CLHC1: variants seen among roughly 807,000 people sequenced by gnomAD.
The protein encoded by CLHC1 is clathrin heavy chain linker domain containing 1.
Under a neutral mutation model 69.5 loss-of-function variants are expected in CLHC1, and 72 were observed. That is an observed-to-expected ratio of 1.04 (90% confidence interval 0.86 to 1.26). The LOEUF (loss-of-function observed/expected upper bound fraction) is 1.26, where lower values mean the gene tolerates loss of function less well. CLHC1 is among the 50% of genes most tolerant of loss of function. The pLI is 0.00. For missense variants in CLHC1, 790 were observed against 679.3 expected (o/e 1.16, Z -1.81); for synonymous variants, 223 against 224.3 (o/e 0.99, Z 0.05).
chr2:55,215,175 C>A (rs1212757449), intron 4 of CLHC1: 1 of 152,094 alleles, frequency 6.6e-6, no homozygotes, highest in African/African-American at 2.4e-5. Context: ...ATATGACTGG[C>A]CAGATGTTGA....
At chr2:55,219,682 G>A (rs1311950997) in intron 3 of CLHC1, among the ~76,000 whole-genome samples, 1 of 152,012 alleles carries the variant, frequency 6.6e-6, no homozygotes, top group Non-Finnish European at 1.5e-5. Context: ...GGTGGCCTCT[G>A]CAGGCATTTA....
Position 55,232,277 on chromosome 2 carries a change from T to C in CLHC1, c.-310A>G, listed in dbSNP as rs1183530941. 3 of 196,972 alleles carry C rather than the reference T, an allele frequency of 1.5e-5. No individual in the cohort carries two copies. The highest frequency in any genetic ancestry group is 8.0e-5 in the South Asian group (1 of 12,490). 12.2% of individuals were successfully genotyped at this position (196,972 alleles called of 1,614,324 possible). ...AAACACCGACTTCAGTGCTTAGAGA[T>C]AGTAACTAGGGAATCTGGGAGGTGG... On this transcript the variant is annotated 5_prime_UTR_variant, in exon 1 of 13. Coordinates refer to ENST00000401408, the MANE Select transcript of CLHC1 (RefSeq NM_152385.4).
intron 9 of CLHC1, among the ~76,000 whole-genome samples, chr2:55,197,613 C>G (rs1390985930): frequency 4.6e-5 from 7 of 152,180 alleles, no homozygotes; most frequent in Non-Finnish European, 8.8e-5. Flanking sequence ...TCTTCTGGAT[C>G]TTATCCAAAA....
chr2:55,211,283 C>G, intron 5 of CLHC1, among the ~76,000 whole-genome samples: 1 of 152,002 alleles, frequency 6.6e-6, no homozygotes, highest in Non-Finnish European at 1.5e-5. Context: ...GGGCAGATCA[C>G]AAGGTCAGGA....
At chr2:55,224,560 G>T in intron 2 of CLHC1, 1 of 279,508 alleles carries the variant, frequency 3.6e-6, no homozygotes. Context: ...AGGGCGACAT[G>T]CACACAGGGG....
intron 9 of CLHC1, among the ~76,000 whole-genome samples, chr2:55,198,617 C>G (rs1347010611): frequency 4.6e-5 from 7 of 152,018 alleles, no homozygotes; most frequent in Non-Finnish European, 1.0e-4. Context: ...GGGATAATAC[C>G]AGAGAACTTT....
chr2:55,229,817 T>C (rs1170725230), intron 1 of CLHC1, among the ~76,000 whole-genome samples: 1 of 152,252 alleles, frequency 6.6e-6, no homozygotes, highest in African/African-American at 2.4e-5. Flanking sequence ...CTCATGCCTG[T>C]AATCCCAGCA....
chr2:55,182,584 G>C (rs1165004728), intron 9 of CLHC1, among the ~76,000 whole-genome samples: 1 of 152,056 alleles, frequency 6.6e-6, no homozygotes, highest in East Asian at 1.9e-4. Flanking sequence ...CCTCCTCAAA[G>C]TCAAGTGAGA....
Position 55,175,802 on chromosome 2 carries a change from A to T in CLHC1, c.1749T>A (p.His583Gln), listed in dbSNP as rs1463336966. ...TTAAGATATAGAACTACCAAAACAC[A>T]TGTTCCATTAGGTTGACTGCGTCAT... ...EEDDAVNLME[H>Q]VFW The change falls in exon 13 of 13, where the codon CAT becomes CAA. Residue 583 changes from histidine to glutamine, a missense_variant. Physicochemically the swap from His to Gln is conservative, Grantham distance 24 (BLOSUM62 0). Transcript: ENST00000401408. 1.9e-6 allele frequency: 3 copies of T among 1,613,654 alleles called. No individual in the cohort carries two copies. The highest frequency in any genetic ancestry group is 2.5e-6 in the Non-Finnish European group (3 of 1,179,750).
At chr2:55,201,496 A>G (rs369247045) in intron 9 of CLHC1, among the ~76,000 whole-genome samples, 3 of 152,176 alleles carry the variant, frequency 2.0e-5, no homozygotes, top group Admixed American at 1.3e-4. Context: ...GAACAGACCA[A>G]TAAGTAATGA....
chr2:55,178,410 AT>A (rs1669608184), intron 11 of CLHC1, among the ~76,000 whole-genome samples: 2 of 152,380 alleles, frequency 1.3e-5, no homozygotes, highest in Non-Finnish European at 2.9e-5. Context: ...ACAATTCCAT[AT>A]GGGTTAATCT....
intron 5 of CLHC1, 119 bp from the exon 6 acceptor site, chr2:55,209,950 G>C: frequency 1.6e-6 from 1 of 644,566 alleles, no homozygotes; most frequent in Non-Finnish European, 2.7e-6. Context: ...ATGATAGTAT[G>C]TACTTATAGC....
At chr2:55,180,126 C>T (rs1669778594) in intron 11 of CLHC1, among the ~76,000 whole-genome samples, 1 of 151,406 alleles carries the variant, frequency 6.6e-6, no homozygotes, top group Non-Finnish European at 1.5e-5. Flanking sequence ...TGCACTCCAG[C>T]CTGGCAACAG....
At chr2:55,205,146 A>G (rs1672316090) in intron 9 of CLHC1, among the ~76,000 whole-genome samples, 1 of 152,186 alleles carries the variant, frequency 6.6e-6, no homozygotes, top group African/African-American at 2.4e-5. Flanking sequence ...AGAAAAGGGA[A>G]CGCTTTTACA....
chr2:55,201,774 T>C (rs553161709), intron 9 of CLHC1, among the ~76,000 whole-genome samples: 1 of 152,164 alleles, frequency 6.6e-6, no homozygotes, highest in East Asian at 1.9e-4. Context: ...AACAAAATAC[T>C]AGCAAACCCC....
At chr2:55,193,245 C>T (rs1671098758) in intron 9 of CLHC1, among the ~76,000 whole-genome samples, 1 of 151,706 alleles carries the variant, frequency 6.6e-6, no homozygotes, top group Non-Finnish European at 1.5e-5. Flanking sequence ...ACACAAAAGG[C>T]AAAGCCATAA....
chr2:55,190,039 TA>T (rs1670768995), intron 9 of CLHC1, among the ~76,000 whole-genome samples: 1 of 152,050 alleles, frequency 6.6e-6, no homozygotes, highest in Non-Finnish European at 1.5e-5. Context: ...TCAGCACCAT[TA>T]AGGTAAAATT....
chr2:55,192,888 CTTTT>C (rs71410488), intron 9 of CLHC1, among the ~76,000 whole-genome samples: 2 of 117,204 alleles, frequency 1.7e-5, no homozygotes, highest in African/African-American at 3.2e-5. Flanking sequence ...ATCTCTGTGA[CTTTT>C]TTTTTTTTTT....
At chr2:55,186,581 T>G (rs1443407682) in intron 9 of CLHC1, among the ~76,000 whole-genome samples, 1 of 151,370 alleles carries the variant, frequency 6.6e-6, no homozygotes, top group Non-Finnish European at 1.5e-5. Flanking sequence ...CTGTGAGATG[T>G]CATCTCTACA....
Sources: allele counts gnomAD v4.1 joint callset (sites outside exome capture counted in the v4.1 genomes callset), GRCh38; gene constraint gnomAD v4.1.1; transcripts MANE v1.5; gene names NCBI Gene and HGNC (gene_info 2026-07-23, HGNC 2026-07-21).